DNAJC19: variants seen among roughly 807,000 people sequenced by gnomAD.
DNAJC19 encodes DnaJ heat shock protein family (Hsp40) member C19, also known as mitochondrial import inner membrane translocase subunit TIM14.
In DNAJC19, 15 loss-of-function variants were observed where a neutral mutation model predicts 19.8. That is an observed-to-expected ratio of 0.76 (90% CI 0.51 to 1.17). The LOEUF (loss-of-function observed/expected upper bound fraction) is 1.17, where lower values mean the gene tolerates loss of function less well. Among genes scored for constraint, DNAJC19 ranks in the 50% most tolerant of loss-of-function variants. DNAJC19 has a pLI of 0.00. For missense variants in DNAJC19, 105 were observed against 140.9 expected (o/e 0.75, Z 1.29); for synonymous variants, 38 against 42.1 (o/e 0.90, Z 0.38).
At chr3:180,986,860 T>C (rs2108508741) in intron 4 of DNAJC19, 83 bp downstream of exon 4, 2 of 1,190,642 alleles carry the variant, frequency 1.7e-6, no homozygotes, top group Non-Finnish European at 1.3e-6. Context: ...CCCTCTCCTA[T>C]TAAAGGAGAG....
At position 180,984,658 on chromosome 3, in the gene DNAJC19, T is replaced by G; in HGVS notation, c.333A>C (p.Glu111Asp). ...AKINEAKDLL[E>D]GQAKK Reference sequence around the variant, plus strand: ...ATTTACTTCATTTTTTAGCTTGACCTTCTAGTAAATCTTTAGCTTCATTGA... The same window carrying G: ...ATTTACTTCATTTTTTAGCTTGACCGTCTAGTAAATCTTTAGCTTCATTGA... Residue 111 changes from glutamate (E) to aspartate (D), a missense_variant, in exon 6 of 6, where the codon GAA becomes GAC. Glu to Asp is a conservative substitution (Grantham distance 45). Coordinates refer to ENST00000382564, the MANE Select transcript of DNAJC19 (RefSeq NM_145261.4). 6.2e-7 allele frequency: 1 copy of G among 1,607,648 alleles called. No individual in the cohort carries two copies. The highest frequency in any genetic ancestry group is 8.5e-7 in the Non-Finnish European group (1 of 1,175,800).
Position 180,985,933 on chromosome 3 carries a change from A to G in DNAJC19, c.273T>C (p.Pro91=), listed in dbSNP as rs1714879965. 8.7e-6 allele frequency: 14 copies of G among 1,613,358 alleles called. No individual in the cohort carries two copies. Among genetic ancestry groups the G allele is most frequent in the Non-Finnish European group, 9.3e-6 (11 of 1,179,514 alleles). ...AATTTAATGACTACTTACCTTTGTC[A>G]GGATGATTTAAAAGCATAATTCGTC... ...AHRRIMLLNH[P]DKGGSPYIAA... The change falls in exon 5 of 6, where the codon CCT becomes CCC. Residue 91 remains proline, a synonymous_variant. Coordinates refer to ENST00000382564, the MANE Select transcript of DNAJC19 (RefSeq NM_145261.4).
In DNAJC19 at chr3:180,984,480, T is replaced by TA; in HGVS notation, c.*159dup. 1.5e-6 allele frequency: 1 copy of TA among 659,144 alleles called. No individual in the cohort carries two copies. The highest frequency in any genetic ancestry group is 2.8e-6 in the Non-Finnish European group (1 of 354,512). The allele number at this position is 659,144 out of a possible 1,614,324, so 40.8% of individuals were successfully genotyped here. On this transcript the variant is annotated 3_prime_UTR_variant, in exon 6 of 6. Transcript: ENST00000382564. ...AAATATTCTAAACTATAATCTGATT[T>TA]AAAATCCCCAAATTTAAACAAGAAA...
intron 5 of DNAJC19, chr3:180,985,703 C>A: frequency 6.0e-6 from 3 of 496,398 alleles, no homozygotes; most frequent in South Asian, 3.1e-5. Flanking sequence ...CCAGAAAAAC[C>A]CACAAAACAT....
intron 4 of DNAJC19, 77 bp downstream of exon 4, chr3:180,986,861 TAAAGG>T: frequency 8.6e-7 from 1 of 1,169,176 alleles, no homozygotes; most frequent in Non-Finnish European, 1.3e-6. Flanking sequence ...CCTCTCCTAT[TAAAGG>T]AGAGAAGGTC....
rs775704655 is a variant in DNAJC19, at chr3:180,988,205, G to C, written c.28C>G (p.Leu10Val). The C allele has an allele frequency of 1.9e-6, 3 of 1,614,116 alleles. No homozygotes were observed. The highest frequency in any genetic ancestry group is 4.5e-5 in the East Asian group (2 of 44,870). Reference protein sequence around the residue: MASTVVAVGLTIAAAGFAGR... With the variant: MASTVVAVGVTIAAAGFAGR... ...GCAAATCCTGCAGCAGCAATGGTCAGTCCAACTGCTACCACTGTACTGGCC... is the reference window on the plus strand; with the variant it reads ...GCAAATCCTGCAGCAGCAATGGTCACTCCAACTGCTACCACTGTACTGGCC... The change falls in exon 2 of 6, where the codon CTG becomes GTG. Residue 10 changes from leucine (L) to valine (V), a missense_variant. Leu to Val is a conservative substitution (Grantham distance 32). Transcript: ENST00000382564.
chr3:180,989,330 A>G, intron 1 of DNAJC19: 1 of 1,415,096 alleles, frequency 7.1e-7, no homozygotes, highest in Non-Finnish European at 9.2e-7. Flanking sequence ...ACAGCCTCTG[A>G]CCTTACAGGA....
Position 180,989,699 on chromosome 3 carries a change from C to G in DNAJC19, c.-97G>C, listed in dbSNP as rs764915383. 9.7e-6 allele frequency: 15 copies of G among 1,542,768 alleles called. No individual in the cohort carries two copies. The highest frequency in any genetic ancestry group is 2.7e-5 in the African/African-American group (2 of 73,084). ...TGCACGCCTTTACCAGAGAGCGACGCAACCCCCAACCTCAAGCACAGGCGC... is the reference window on the plus strand; with the variant it reads ...TGCACGCCTTTACCAGAGAGCGACGGAACCCCCAACCTCAAGCACAGGCGC... On this transcript the variant is annotated 5_prime_UTR_variant, in exon 1 of 6. Transcript: ENST00000382564.
At chr3:180,987,581 T>C in intron 3 of DNAJC19, 6 of 273,654 alleles carry the variant, frequency 2.2e-5, no homozygotes, top group Non-Finnish European at 4.2e-5. Context: ...CCACAGAGAG[T>C]ATGACCATAA....
chr3:180,984,528 T>C lies in DNAJC19; in HGVS notation c.*112A>G. Reference sequence around the variant, plus strand: ...AAAATTATACCAAGGCTTTGAGATTTAGCTTGTGCTAAATCATTTTTTAAA... The same window carrying C: ...AAAATTATACCAAGGCTTTGAGATTCAGCTTGTGCTAAATCATTTTTTAAA... On this transcript the variant is annotated 3_prime_UTR_variant, in exon 6 of 6. Transcript: ENST00000382564. 1 of 752,632 alleles carries C rather than the reference T, an allele frequency of 1.3e-6. No homozygotes were observed. The highest frequency in any genetic ancestry group is 2.3e-6 in the Non-Finnish European group (1 of 437,656). 46.6% of individuals were successfully genotyped at this position (752,632 alleles called of 1,614,324 possible). A position where few individuals can be genotyped will look rare whatever the true frequency, so the allele number is the denominator to read the frequency against.
chr3:180,984,480 TAA>T lies in DNAJC19; in HGVS notation c.*158_*159del, dbSNP rs542876304. On this transcript the variant is annotated 3_prime_UTR_variant, in exon 6 of 6. Coordinates refer to ENST00000382564, the MANE Select transcript of DNAJC19 (RefSeq NM_145261.4). ...AAATATTCTAAACTATAATCTGATT[TAA>T]AATCCCCAAATTTAAACAAGAAAAT... is the stretch of plus-strand genomic sequence containing the variant. The T allele has an allele frequency of 2.7e-4, 178 of 659,144 alleles. 1 individual carries two copies. In the African/African-American group the frequency reaches 2.9e-3, roughly 11 times the overall value. The allele number at this position is 659,144 out of a possible 1,614,324, so 40.8% of individuals were successfully genotyped here. A position where few individuals can be genotyped will look rare whatever the true frequency, so the allele number is the denominator to read the frequency against.
chr3:180,985,720 A>G, intron 5 of DNAJC19: 1 of 558,262 alleles, frequency 1.8e-6, no homozygotes, highest in Non-Finnish European at 3.2e-6. Context: ...ACATAGTAAT[A>G]GTAGCACTTA....
intron 1 of DNAJC19, 106 bp from the exon 2 acceptor site, chr3:180,988,335 G>C: frequency 1.0e-6 from 1 of 991,416 alleles, no homozygotes; most frequent in Non-Finnish European, 1.5e-6. Flanking sequence ...TTTAATAGGA[G>C]AAACAACTTT....
chr3:180,987,998 C>A (rs1714996064), intron 3 of DNAJC19, 25 bp downstream of exon 3: 16 of 1,613,208 alleles, frequency 9.9e-6, no homozygotes, highest in African/African-American at 1.3e-5. Flanking sequence ...CAAATAGAAG[C>A]AGCAAAGAAT....
At chr3:180,987,344 AAAAATC>A (rs1307646763) in intron 3 of DNAJC19, 4 of 334,822 alleles carry the variant, frequency 1.2e-5, no homozygotes, top group African/African-American at 2.1e-5. Flanking sequence ...TATTCTAGAT[AAAAATC>A]TGCAAGAAGT....
Position 180,984,656 on chromosome 3 carries a change from CCTT to C in DNAJC19, c.332_334del (p.Glu111del), listed in dbSNP as rs763986833. On this transcript the variant is annotated inframe_deletion, in exon 6 of 6. Transcript: ENST00000382564. ...ACATTTACTTCATTTTTTAGCTTGA[CCTT>C]CTAGTAAATCTTTAGCTTCATTGAT... is the stretch of plus-strand genomic sequence containing the variant. 12 of 1,607,202 alleles carry C rather than the reference CCTT, an allele frequency of 7.5e-6. No homozygotes were observed. Among genetic ancestry groups the C allele is most frequent in the South Asian group, 2.2e-5 (2 of 90,532 alleles).
At chr3:180,984,981 A>G (rs1269561280) in intron 5 of DNAJC19, among the ~76,000 whole-genome samples, 2 of 152,084 alleles carry the variant, frequency 1.3e-5, no homozygotes, top group African/African-American at 4.8e-5. Context: ...TAGAAATAGG[A>G]TTTCTATCAT....
intron 1 of DNAJC19, 132 bp downstream of exon 1, chr3:180,989,468 T>C: frequency 1.3e-6 from 2 of 1,529,708 alleles, no homozygotes; most frequent in South Asian, 2.4e-5. Context: ...TGAGTGTGAC[T>C]CCCCAATAAC....
At position 180,983,994 on chromosome 3, in the gene DNAJC19, T is replaced by C. The variant is rs1427486354; in HGVS notation, c.*646A>G. ...GGGAGGACTGCTTAAACCCAGGAGG[T>C]TGAGGCTGCAATGAACTGTGATTGT... On this transcript the variant is annotated 3_prime_UTR_variant, in exon 6 of 6. Transcript: ENST00000382564. 1 of 453,774 alleles carries C rather than the reference T, an allele frequency of 2.2e-6. No homozygotes were observed. Among genetic ancestry groups the C allele is most frequent in the Non-Finnish European group, 4.4e-6 (1 of 226,678 alleles). 28.1% of individuals were successfully genotyped at this position (453,774 alleles called of 1,614,324 possible).
Sources: allele counts gnomAD v4.1 joint callset (sites outside exome capture counted in the v4.1 genomes callset), GRCh38; gene constraint gnomAD v4.1.1; transcripts MANE v1.5; gene names NCBI Gene and HGNC (gene_info 2026-07-23, HGNC 2026-07-21).